C11orf65: variants seen among roughly 807,000 people sequenced by gnomAD.
The protein encoded by C11orf65 is protein MFI.
Under a neutral mutation model 35.3 loss-of-function variants are expected in C11orf65, and 38 were observed. The ratio of observed to expected loss-of-function variants is 1.08; its 90% CI spans 0.83 to 1.41. The LOEUF (loss-of-function observed/expected upper bound fraction) is 1.41, where lower values mean the gene tolerates loss of function less well. Among genes scored for constraint, C11orf65 ranks in the 40% most tolerant of loss-of-function variants. C11orf65 has a pLI of 0.00. For synonymous variants in C11orf65, 105 were observed against 114.4 expected (o/e 0.92, Z 0.53); for missense variants, 370 against 367.1 (o/e 1.01, Z -0.06).
Position 108,326,116 on chromosome 11 carries a change from C to CT in C11orf65, c.641-17046dup, listed in dbSNP as rs1555119834. 1.9e-6 allele frequency: 3 copies of CT among 1,614,124 alleles called. No homozygotes were observed. Among genetic ancestry groups the CT allele is most frequent in the South Asian group, 1.1e-5 (1 of 91,082 alleles). On this transcript the variant is annotated intron_variant, in intron 6 of 6. Transcript: ENST00000525729. ...TACAATTCAGTTAGCTGTGGAGTCT[C>CT]TGAGTGGCAGCTGGAAGAAGCACAA... is the stretch of plus-strand genomic sequence containing the variant.
intron 6 of C11orf65, chr11:108,325,323 A>G: frequency 6.2e-7 from 1 of 1,605,608 alleles, no homozygotes; most frequent in Non-Finnish European, 8.5e-7. Context: ...AGTCACACAT[A>G]GACAACTCTC....
intron 2 of C11orf65, among the ~76,000 whole-genome samples, chr11:108,433,449 A>G (rs2093020747): frequency 6.6e-6 from 1 of 151,974 alleles, no homozygotes; most frequent in South Asian, 2.1e-4. Flanking sequence ...ATGTGGTGGC[A>G]GGCGCCTGCA....
chr11:108,416,221 A>T (rs1252366563), intron 3 of C11orf65, among the ~76,000 whole-genome samples: 1 of 152,234 alleles, frequency 6.6e-6, no homozygotes, highest in African/African-American at 2.4e-5. Context: ...TGGTATTTAA[A>T]ATATACAAAG....
chr11:108,358,198 A>G (rs1224710396), intron 2 of C11orf65, among the ~76,000 whole-genome samples: 1 of 151,466 alleles, frequency 6.6e-6, no homozygotes, highest in African/African-American at 2.4e-5. Flanking sequence ...GGTATCAGCG[A>G]TGGAAGATGA....
intron 2 of C11orf65, among the ~76,000 whole-genome samples, chr11:108,372,902 C>A (rs1439825214): frequency 6.6e-6 from 1 of 151,844 alleles, no homozygotes; most frequent in Non-Finnish European, 1.5e-5. Flanking sequence ...GGTGAAACCC[C>A]ATCTCTACCA....
intron 2 of C11orf65, among the ~76,000 whole-genome samples, chr11:108,359,425 T>G (rs2090436549): frequency 6.6e-6 from 1 of 152,110 alleles, no homozygotes; most frequent in Non-Finnish European, 1.5e-5. Flanking sequence ...GGAATTGAAC[T>G]CAGCTCTGCA....
intron 3 of C11orf65, among the ~76,000 whole-genome samples, chr11:108,409,476 C>A (rs1010475387): frequency 6.6e-6 from 1 of 152,120 alleles, no homozygotes; most frequent in Admixed American, 6.6e-5. Flanking sequence ...AAGTGATATG[C>A]ATTCAGTAGA....
downstream of C11orf65, chr11:108,330,427 T>C (rs1250327887): frequency 6.2e-7 from 1 of 1,613,934 alleles, no homozygotes; most frequent in Admixed American, 1.7e-5. Flanking sequence ...TGAAGGCAAG[T>C]GTTACTCAGC....
intron 2 of C11orf65, among the ~76,000 whole-genome samples, chr11:108,376,706 G>A (rs1413508995): frequency 6.6e-6 from 1 of 151,918 alleles, no homozygotes; most frequent in African/African-American, 2.4e-5. Context: ...TTTTTTGAAA[G>A]GATCAACAAA....
chr11:108,310,562 G>C (rs2084065756), intron 6 of C11orf65, among the ~76,000 whole-genome samples: 1 of 152,126 alleles, frequency 6.6e-6, no homozygotes, highest in Admixed American at 6.5e-5. Flanking sequence ...CTATAGGACA[G>C]AGTCCATACT....
intron 6 of C11orf65, among the ~76,000 whole-genome samples, chr11:108,404,586 C>CTTTTTTT: frequency 7.3e-6 from 1 of 136,816 alleles, no homozygotes; most frequent in East Asian, 2.1e-4. Context: ...TTTTTCTTTT[C>CTTTTTTT]TTTTTTTTTT....
At chr11:108,422,167 A>G (rs1163825480) in intron 3 of C11orf65, among the ~76,000 whole-genome samples, 2 of 151,970 alleles carry the variant, frequency 1.3e-5, no homozygotes, top group African/African-American at 4.8e-5. Flanking sequence ...TGACCTCATG[A>G]TCCGCCCGAC....
intron 2 of C11orf65, among the ~76,000 whole-genome samples, chr11:108,445,336 C>A (rs2135560358): frequency 6.6e-6 from 1 of 152,296 alleles, no homozygotes; most frequent in African/African-American, 2.4e-5. Flanking sequence ...CCCGAGCAGC[C>A]TAACTGGGAG....
intron 3 of C11orf65, among the ~76,000 whole-genome samples, chr11:108,418,591 A>G (rs1383226838): frequency 6.6e-6 from 1 of 152,142 alleles, no homozygotes; most frequent in East Asian, 1.9e-4. Context: ...ATCCATTTCA[A>G]AAAGTTAGAA....
intron 2 of C11orf65, among the ~76,000 whole-genome samples, chr11:108,459,757 A>ACACACG (rs1374881160): frequency 1.3e-5 from 2 of 151,524 alleles, no homozygotes; most frequent in African/African-American, 4.9e-5. Context: ...ACACACACAC[A>ACACACG]CACACACACA....
chr11:108,453,643 A>G (rs1188326628), intron 2 of C11orf65, among the ~76,000 whole-genome samples: 2 of 152,358 alleles, frequency 1.3e-5, no homozygotes, highest in African/African-American at 4.8e-5. Flanking sequence ...GAAGTACTGT[A>G]AAATATACGA....
At chr11:108,369,967 T>C (rs2091508519) in intron 2 of C11orf65, among the ~76,000 whole-genome samples, 1 of 152,184 alleles carries the variant, frequency 6.6e-6, no homozygotes, top group South Asian at 2.1e-4. Flanking sequence ...TTGTTGGTTA[T>C]GTAACATCTT....
chr11:108,325,861 G>T (rs569472397), intron 6 of C11orf65, among the ~76,000 whole-genome samples: 17 of 152,206 alleles, frequency 1.1e-4, no homozygotes, highest in African/African-American at 2.9e-4. Context: ...CATACATATA[G>T]AGAGAGACAG....
Position 108,316,239 on chromosome 11 carries a change from A to G in C11orf65, c.641-7168T>C, listed in dbSNP as rs1047440067. ...TAAGACTAGAACTTATCTGTTTTTCAGAGGATTAGGCTAAACATTCAGGGA... is the reference window on the plus strand; with the variant it reads ...TAAGACTAGAACTTATCTGTTTTTCGGAGGATTAGGCTAAACATTCAGGGA... On this transcript the variant is annotated intron_variant, in intron 6 of 6. Coordinates refer to the C11orf65 transcript ENST00000525729. 60 of 985,206 alleles carry G rather than the reference A, an allele frequency of 6.1e-5. No homozygotes were observed. The African/African-American group carries it at 8.1e-4, about 13-fold the overall frequency. 61.0% of individuals were successfully genotyped at this position (985,206 alleles called of 1,614,324 possible).
Sources: gnomAD v4.1 joint callset for allele counts (sites outside exome capture counted in the v4.1 genomes callset) on GRCh38, gnomAD v4.1.1 for gene constraint, MANE v1.5 for transcripts, NCBI Gene and HGNC (gene_info 2026-07-23, HGNC 2026-07-21) for gene names.